HDLBP: variants seen among roughly 807,000 people sequenced by gnomAD.
HDLBP encodes high density lipoprotein binding protein.
Under a neutral mutation model 137.3 loss-of-function variants are expected in HDLBP, and 30 were observed. The ratio of observed to expected loss-of-function variants is 0.22; its 90% CI spans 0.16 to 0.30. The LOEUF is 0.30. Ranked by LOEUF, HDLBP falls within the 10% of genes least tolerant of loss-of-function variation. HDLBP has a pLI of 1.00. For missense variants in HDLBP, 1,119 were observed against 1,667.3 expected (o/e 0.67, Z 5.73); for synonymous variants, 606 against 596.0 (o/e 1.02, Z -0.24).
intron 14 of HDLBP, 98 bp downstream of exon 14, chr2:241,247,905 C>A: frequency 2.4e-6 from 2 of 816,392 alleles, no homozygotes; most frequent in South Asian, 3.1e-5. Flanking sequence ...GTGCTTTCCC[C>A]AGAGCAGGGG....
chr2:241,237,024 G>A (rs2070613787), intron 20 of HDLBP, among the ~76,000 whole-genome samples: 2 of 150,594 alleles, frequency 1.3e-5, no homozygotes, highest in Admixed American at 6.6e-5. Context: ...GGGAGGCCGT[G>A]AGCTCTGTGT....
chr2:241,259,645 CACT>C (rs2073001570), intron 5 of HDLBP, among the ~76,000 whole-genome samples: 1 of 152,110 alleles, frequency 6.6e-6, no homozygotes, highest in Non-Finnish European at 1.5e-5. Flanking sequence ...AGCACGCCAC[CACT>C]ATTTTTTGTA....
chr2:241,273,048 G>A (rs2074232018), intron 1 of HDLBP: 1 of 985,416 alleles, frequency 1.0e-6, no homozygotes, highest in African/African-American at 1.7e-5. Context: ...CCAGAAAGCA[G>A]AGGGAGCGCG....
chr2:241,267,578 C>T (rs1574974891), intron 2 of HDLBP: 2 of 1,535,600 alleles, frequency 1.3e-6, no homozygotes, highest in Non-Finnish European at 1.7e-6. Context: ...CACCACACAC[C>T]TCTTAATGCT....
intron 1 of HDLBP, among the ~76,000 whole-genome samples, chr2:241,286,656 T>C (rs2074823424): frequency 6.6e-6 from 1 of 152,228 alleles, no homozygotes; most frequent in South Asian, 2.1e-4. Flanking sequence ...CAGGACCTCC[T>C]GAGGCTGGGT....
At chr2:241,301,564 C>G (rs2075397098) in intron 1 of HDLBP, among the ~76,000 whole-genome samples, 1 of 152,116 alleles carries the variant, frequency 6.6e-6, no homozygotes, top group Non-Finnish European at 1.5e-5. Context: ...CACCTGTAAT[C>G]ATCTAATAAT....
chr2:241,255,127 G>A lies in HDLBP; in HGVS notation c.1112C>T (p.Ala371Val). 6.2e-7 allele frequency: 1 copy of A among 1,614,206 alleles called. No homozygotes were observed. The change falls in exon 9 of 28, where the codon GCC becomes GTC. Residue 371 changes from alanine to valine, a missense_variant. This residue lies in a region of HDLBP where 425 missense variants were observed against 693.9 expected (regional missense o/e 0.61). Coordinates refer to ENST00000310931, the MANE Select transcript of HDLBP (RefSeq NM_005336.6). ...GATGAAACGGTGAAGCCAGGAAGGG[G>A]CGGCGACAGAGGAGACGGTGAAGCT... ...ANSFTVSSVA[A>V]PSWLHRFIIG...
In HDLBP at chr2:241,260,917, G is replaced by A. The variant is rs182878959; in HGVS notation, c.450+1794C>T. On this transcript the variant is annotated intron_variant, in intron 5 of 27. Coordinates refer to ENST00000310931, the MANE Select transcript of HDLBP (RefSeq NM_005336.6). ...TAAAAAAGGGGAGGATTGGCTGGGC[G>A]TGGTGGCTCACACCTGTAATTCCAA... Among the ~76,000 whole-genome samples the A allele has an allele frequency of 2.6e-4, 39 of 152,280 alleles. No individual in the cohort carries two copies. The South Asian group carries it at 3.7e-3, about 15-fold the overall frequency.
chr2:241,313,852 A>T (rs1645332793), intron 1 of HDLBP, among the ~76,000 whole-genome samples: 1 of 152,198 alleles, frequency 6.6e-6, no homozygotes, highest in Admixed American at 6.5e-5. Flanking sequence ...GACGTGATAT[A>T]GGTCAACTAT....
chr2:241,235,055 A>T, intron 23 of HDLBP, 66 bp downstream of exon 23: 1 of 1,579,150 alleles, frequency 6.3e-7, no homozygotes, highest in Non-Finnish European at 8.6e-7. Flanking sequence ...ACTTCCCTAG[A>T]TTCTGACATG....
At position 241,227,937 on chromosome 2, in the gene HDLBP, G is replaced by C. The variant is rs1439459752; in HGVS notation, c.*1664C>G. The C allele has an allele frequency of 3.9e-5, 6 of 152,230 alleles. No homozygotes were observed. The highest frequency in any genetic ancestry group is 5.9e-5 in the Non-Finnish European group (4 of 68,048). The allele number at this position is 152,230 out of a possible 1,614,324, so 9.4% of individuals were successfully genotyped here. A position where few individuals can be genotyped will look rare whatever the true frequency, so the allele number is the denominator to read the frequency against. On this transcript the variant is annotated 3_prime_UTR_variant, in exon 28 of 28. Transcript: ENST00000310931. ...GTGGTCACCCTAGCCTATGAAGCTG[G>C]AAGCTATATTCCTTCCAATCCCAAT...
At position 241,252,985 on chromosome 2, in the gene HDLBP, C is replaced by T; in HGVS notation, c.1344G>A (p.Arg448=). 6.2e-7 allele frequency: 1 copy of T among 1,608,590 alleles called. No homozygotes were observed. The highest frequency in any genetic ancestry group is 8.5e-7 in the Non-Finnish European group (1 of 1,175,314). ...VEINIDHKFH[R]HLIGKSGANI... ...TGGCACCGCTCTTCCCAATGAGGTG[C>T]CTGTGGAACTTGTGGTCGATGTTGA... The change falls in exon 11 of 28, where the codon AGG becomes AGA. Residue 448 remains arginine (R), a synonymous_variant. Transcript: ENST00000310931.
At chr2:241,257,137 G>C (rs2072690868) in intron 5 of HDLBP, among the ~76,000 whole-genome samples, 2 of 152,220 alleles carry the variant, frequency 1.3e-5, no homozygotes, top group African/African-American at 4.8e-5. Context: ...ACTACTGGGT[G>C]AAATTCTATT....
intron 1 of HDLBP, among the ~76,000 whole-genome samples, chr2:241,313,694 C>CA (rs2075836336): frequency 6.6e-6 from 1 of 152,248 alleles, no homozygotes; most frequent in East Asian, 1.9e-4. Flanking sequence ...AGGCTGAAGT[C>CA]AGACAACTGG....
chr2:241,308,032 A>G (rs996315863), intron 1 of HDLBP, among the ~76,000 whole-genome samples: 20 of 152,242 alleles, frequency 1.3e-4, no homozygotes, highest in Non-Finnish European at 2.5e-4. Context: ...CCCACCTCCC[A>G]AAGAGTTTAA....
At chr2:241,265,978 G>C (rs1393230653) in intron 3 of HDLBP, among the ~76,000 whole-genome samples, 1 of 152,194 alleles carries the variant, frequency 6.6e-6, no homozygotes, top group Non-Finnish European at 1.5e-5. Context: ...CTAAGGAAAA[G>C]TTAATTTTAT....
rs546899154 is a variant in HDLBP, at chr2:241,270,843, T to C, written c.-102-2302A>G. On this transcript the variant is annotated intron_variant, in intron 1 of 27. Transcript: ENST00000310931. ...TGCTATCTGAAGTTCCCAGGATACC[T>C]TGGGCAGGCCTAGATACCCAAGAAC... The C allele has an allele frequency of 2.8e-5, 11 of 399,930 alleles. No homozygotes were observed. The East Asian group carries it at 4.9e-4, about 18-fold the overall frequency. 24.8% of individuals were successfully genotyped at this position (399,930 alleles called of 1,614,324 possible). A position where few individuals can be genotyped will look rare whatever the true frequency, so the allele number is the denominator to read the frequency against.
At chr2:241,258,346 CAAAAAAAAAAAAAA>C (rs34675892) in intron 5 of HDLBP, among the ~76,000 whole-genome samples, 120 of 55,472 alleles carry the variant, frequency 2.2e-3, no homozygotes, top group African/African-American at 8.4e-3. Flanking sequence ...GACTCCGTCT[CAAAAAAAAAAAAAA>C]AAAAAAAAAA....
At chr2:241,294,918 T>A (rs1358559221) in intron 1 of HDLBP, among the ~76,000 whole-genome samples, 1 of 152,084 alleles carries the variant, frequency 6.6e-6, no homozygotes, top group Non-Finnish European at 1.5e-5. Flanking sequence ...CTGGTCAACA[T>A]GGTGAAACCC....
Sources: gnomAD v4.1 joint callset for allele counts (sites outside exome capture counted in the v4.1 genomes callset) on GRCh38, gnomAD v4.1.1 for gene constraint, gnomAD v4.1.1 regional missense constraint, MANE v1.5 for transcripts, NCBI Gene and HGNC (gene_info 2026-07-23, HGNC 2026-07-21) for gene names.